Variants in CCDC170 observed in about 807,000 individuals in gnomAD.
CCDC170 encodes the protein coiled-coil domain containing 170.
CCDC170 carries 69 observed loss-of-function variants against 72.6 expected under a neutral mutation model. The ratio of observed to expected loss-of-function variants is 0.95; its 90% confidence interval spans 0.78 to 1.16. The LOEUF (loss-of-function observed/expected upper bound fraction) is 1.16. Among genes scored for constraint, CCDC170 ranks in the 50% most tolerant of loss-of-function variants. The pLI is 0.00. For missense variants in CCDC170, 852 were observed against 832.5 expected (o/e 1.02, Z -0.29); for synonymous variants, 300 against 303.9 (o/e 0.99, Z 0.13).
At chr6:151,552,210 G>A (rs1782890863) in intron 5 of CCDC170, among the ~76,000 whole-genome samples, 1 of 152,034 alleles carries the variant, frequency 6.6e-6, no homozygotes, top group East Asian at 1.9e-4. Flanking sequence ...AGAATATTAT[G>A]TATTATATTT....
Position 151,619,002 on chromosome 6 carries a change from G to GAAAAAAAAAAAAAAAAA in CCDC170, c.*866_*882dup, listed in dbSNP as rs55906416. The GAAAAAAAAAAAAAAAAA allele has an allele frequency of 1.6e-5, 1 of 61,116 alleles. No homozygotes were observed. The highest frequency in any genetic ancestry group is 7.2e-5 in the African/African-American group (1 of 13,886). The allele number at this position is 61,116 out of a possible 1,614,324, so 3.8% of individuals were successfully genotyped here. ...GGCGACAGAGTGAAACTACATCTCA[G>GAAAAAAAAAAAAAAAAA]AAAAAAAAAAAAAAAAAAAAAAAAA... On this transcript the variant is annotated 3_prime_UTR_variant, in exon 11 of 11. Transcript: ENST00000239374.
chr6:151,521,591 G>C (rs892006917), intron 1 of CCDC170, among the ~76,000 whole-genome samples: 3 of 152,128 alleles, frequency 2.0e-5, no homozygotes, highest in African/African-American at 7.2e-5. Flanking sequence ...AGTTAATAAT[G>C]TTTATTGAAC....
At chr6:151,500,911 A>G (rs2115017921) in intron 1 of CCDC170, among the ~76,000 whole-genome samples, 1 of 152,298 alleles carries the variant, frequency 6.6e-6, no homozygotes, top group East Asian at 1.9e-4. Context: ...AGCTGCTAAA[A>G]GTGCTAAAAT....
At chr6:151,579,281 T>A (rs1328537237) in intron 6 of CCDC170, among the ~76,000 whole-genome samples, 1 of 152,222 alleles carries the variant, frequency 6.6e-6, no homozygotes, top group Non-Finnish European at 1.5e-5. Context: ...GCACATATGT[T>A]CACTCAGGCA....
chr6:151,510,662 A>G (rs1164141199), intron 1 of CCDC170, among the ~76,000 whole-genome samples: 1 of 152,218 alleles, frequency 6.6e-6, no homozygotes, highest in Non-Finnish European at 1.5e-5. Flanking sequence ...AAGATACAGA[A>G]AAATCGTAAA....
intron 1 of CCDC170, among the ~76,000 whole-genome samples, chr6:151,522,627 A>G (rs1463807693): frequency 6.6e-6 from 1 of 152,210 alleles, no homozygotes; most frequent in Non-Finnish European, 1.5e-5. Flanking sequence ...CACGTGCATC[A>G]GGGAAAAGAA....
At chr6:151,551,458 A>G (rs1251023317) in intron 5 of CCDC170, among the ~76,000 whole-genome samples, 2 of 152,140 alleles carry the variant, frequency 1.3e-5, no homozygotes, top group Non-Finnish European at 2.9e-5. Context: ...ATTCCCTTCT[A>G]GTGAATAGAA....
chr6:151,521,784 C>A (rs1432126390), intron 1 of CCDC170, among the ~76,000 whole-genome samples: 1 of 151,978 alleles, frequency 6.6e-6, no homozygotes, highest in Non-Finnish European at 1.5e-5. Flanking sequence ...GAGATAGCGA[C>A]CATCCTGGCC....
intron 7 of CCDC170, among the ~76,000 whole-genome samples, chr6:151,592,292 G>A (rs778053237): frequency 5.3e-5 from 8 of 152,090 alleles, no homozygotes; most frequent in East Asian, 3.9e-4. Context: ...CCTGGGAGGC[G>A]GAGGCTGCAG....
Position 151,572,389 on chromosome 6 carries a change from G to A in CCDC170, c.775-785G>A, listed in dbSNP as rs76422916. Among the ~76,000 whole-genome samples the A allele has an allele frequency of 8.5e-3, 1,297 of 152,216 alleles. 23 individuals are homozygous for A. The highest frequency in any genetic ancestry group is 0.029 in the African/African-American group (1,223 of 41,512). Reference sequence around the variant, plus strand: ...TATTATTCAAAATAGCATTGAGGGGGCATCTTTATTCAAATAATTGTTAGT... The same window carrying A: ...TATTATTCAAAATAGCATTGAGGGGACATCTTTATTCAAATAATTGTTAGT... On this transcript the variant is annotated intron_variant, in intron 5 of 10. Transcript: ENST00000239374.
At chr6:151,523,020 G>A (rs151108254) in intron 1 of CCDC170, among the ~76,000 whole-genome samples, 79 of 152,216 alleles carry the variant, frequency 5.2e-4, no homozygotes, top group African/African-American at 1.8e-3. Context: ...GTCTGGAATG[G>A]GACCGCTTTC....
At chr6:151,502,248 G>C (rs568628476) in intron 1 of CCDC170, among the ~76,000 whole-genome samples, 2 of 152,302 alleles carry the variant, frequency 1.3e-5, no homozygotes, top group East Asian at 3.9e-4. Context: ...ACTCCAGGCT[G>C]TGTGCAGAGC....
intron 1 of CCDC170, among the ~76,000 whole-genome samples, chr6:151,507,687 C>A (rs1782084682): frequency 6.6e-6 from 1 of 151,900 alleles, no homozygotes; most frequent in South Asian, 2.1e-4. Flanking sequence ...CTTTGGGAGG[C>A]CGAGGTGGGC....
intron 3 of CCDC170, among the ~76,000 whole-genome samples, chr6:151,542,385 T>A (rs563912756): frequency 6.6e-6 from 1 of 152,040 alleles, no homozygotes; most frequent in Non-Finnish European, 1.5e-5. Context: ...TACACCCAGC[T>A]GATTTTTAAA....
chr6:151,587,837 G>A (rs1429819679), intron 7 of CCDC170, among the ~76,000 whole-genome samples: 1 of 152,140 alleles, frequency 6.6e-6, no homozygotes, highest in Non-Finnish European at 1.5e-5. Context: ...CCTGGAAAAA[G>A]GAGCAATGAC....
intron 5 of CCDC170, among the ~76,000 whole-genome samples, chr6:151,554,766 G>A (rs972673242): frequency 2.0e-4 from 30 of 151,866 alleles, no homozygotes; most frequent in African/African-American, 7.0e-4. Context: ...GCGCAGAGCG[G>A]TTAAGAAGCT....
intron 4 of CCDC170, among the ~76,000 whole-genome samples, chr6:151,546,424 T>A (rs1379437484): frequency 6.6e-6 from 1 of 152,190 alleles, no homozygotes; most frequent in Non-Finnish European, 1.5e-5. Context: ...CAGGTGCTAA[T>A]CAGGGTGTTT....
At position 151,586,382 on chromosome 6, in the gene CCDC170, C is replaced by T. The variant is rs115875106; in HGVS notation, c.1293+293C>T. ...AAGGCTCATAATTCAATAGGGGAGA[C>T]AGATACTCAGATAATTTGCTGTACT... is the stretch of plus-strand genomic sequence containing the variant. On this transcript the variant is annotated intron_variant, in intron 7 of 10. Coordinates refer to ENST00000239374, the MANE Select transcript of CCDC170 (RefSeq NM_025059.4). 1.5e-3 allele frequency among the ~76,000 whole-genome samples: 229 copies of T among 152,228 alleles called. 2 individuals are homozygous for T. The highest frequency in any genetic ancestry group is 5.3e-3 in the African/African-American group (219 of 41,544).
At chr6:151,545,609 C>T (rs1021136701) in intron 4 of CCDC170, among the ~76,000 whole-genome samples, 9 of 151,868 alleles carry the variant, frequency 5.9e-5, no homozygotes, top group African/African-American at 9.7e-5. Context: ...TCCATACAGC[C>T]GTTTGTTGTT....
Sources: gnomAD v4.1 joint callset for allele counts (sites outside exome capture counted in the v4.1 genomes callset) on GRCh38, gnomAD v4.1.1 for gene constraint, MANE v1.5 for transcripts, NCBI Gene and HGNC (gene_info 2026-07-23, HGNC 2026-07-21) for gene names.